The following ZNF277 variants were observed in gnomAD, a reference collection of about 807,000 sequenced individuals.
ZNF277 encodes the protein nuclear receptor-interacting factor 4.
A neutral mutation model predicts 60.7 loss-of-function variants in ZNF277; 55 were observed. The ratio of observed to expected loss-of-function variants is 0.91; its 90% CI spans 0.73 to 1.13. The LOEUF is 1.13. ZNF277 is among the 50% of genes most tolerant of loss of function. The probability of loss-of-function intolerance (pLI) is 0.00; values close to 1 mark genes in which losing one functional copy is unlikely to be tolerated. For synonymous variants in ZNF277, 178 were observed against 179.3 expected (o/e 0.99, Z 0.06); for missense variants, 510 against 523.0 (o/e 0.98, Z 0.24).
At chr7:112,295,843 C>A (rs748198099) in intron 2 of ZNF277, 26 bp from the exon 3 acceptor site, 14 of 1,539,032 alleles carry the variant, frequency 9.1e-6, no homozygotes, top group South Asian at 1.1e-5. Flanking sequence ...ATCTTCTCAT[C>A]GTTCCTTATT....
intron 1 of ZNF277, among the ~76,000 whole-genome samples, chr7:112,219,658 G>A (rs1051315060): frequency 3.3e-5 from 5 of 152,146 alleles, no homozygotes; most frequent in Non-Finnish European, 7.4e-5. Context: ...TTATTGCTCA[G>A]GCTAGAGTGC....
At chr7:112,300,563 G>A (rs142459955) in intron 4 of ZNF277, among the ~76,000 whole-genome samples, 14 of 152,188 alleles carry the variant, frequency 9.2e-5, no homozygotes, top group Middle Eastern at 3.4e-3. Context: ...TTAGGCCTAT[G>A]GCTTAAATGT....
At chr7:112,338,870 A>G (rs968905946) in intron 9 of ZNF277, among the ~76,000 whole-genome samples, 1 of 152,236 alleles carries the variant, frequency 6.6e-6, no homozygotes, top group Non-Finnish European at 1.5e-5. Flanking sequence ...CAGTGATAAC[A>G]TCACGAATTC....
At chr7:112,244,136 T>C (rs368072361) in intron 1 of ZNF277, among the ~76,000 whole-genome samples, 3 of 152,174 alleles carry the variant, frequency 2.0e-5, no homozygotes, top group African/African-American at 7.2e-5. Context: ...TAATGGACAT[T>C]GGAGACTCAG....
intron 1 of ZNF277, among the ~76,000 whole-genome samples, chr7:112,211,402 C>G (rs1168488927): frequency 1.3e-5 from 2 of 152,190 alleles, no homozygotes; most frequent in African/African-American, 4.8e-5. Context: ...CATTACTAAC[C>G]CTCACCATTA....
At chr7:112,245,295 C>G (rs1170327273) in intron 1 of ZNF277, among the ~76,000 whole-genome samples, 1 of 152,170 alleles carries the variant, frequency 6.6e-6, no homozygotes, top group African/African-American at 2.4e-5. Flanking sequence ...ATTCTGAGTG[C>G]TAGGGCAACT....
intron 1 of ZNF277, among the ~76,000 whole-genome samples, chr7:112,230,022 G>T (rs887802409): frequency 7.0e-6 from 1 of 142,416 alleles, no homozygotes; most frequent in Non-Finnish European, 1.6e-5. Context: ...AGCAAGGACT[G>T]CATTATAAAG....
chr7:112,279,709 A>G (rs1336570149), intron 1 of ZNF277, among the ~76,000 whole-genome samples: 1 of 152,192 alleles, frequency 6.6e-6, no homozygotes, highest in Non-Finnish European at 1.5e-5. Flanking sequence ...ATAACAGTCA[A>G]TTCACACGTA....
At chr7:112,264,932 A>G (rs114329373) in intron 1 of ZNF277, among the ~76,000 whole-genome samples, 1,982 of 152,218 alleles carry the variant, frequency 0.013, 46 homozygotes, top group African/African-American at 0.046. Context: ...TCTTGCCTCA[A>G]TGTTTGTCTG....
intron 5 of ZNF277, among the ~76,000 whole-genome samples, chr7:112,324,118 C>T (rs1793046458): frequency 6.6e-6 from 1 of 152,136 alleles, no homozygotes; most frequent in South Asian, 2.1e-4. Context: ...GGGGTTACAT[C>T]TCAATAAAGT....
rs747628267 is a variant in ZNF277 at position 112,286,899 on chromosome 7, C to T, written c.118C>T (p.Leu40Phe). Residue 40 changes from leucine (L) to phenylalanine (F), a missense_variant, in exon 2 of 12, where the codon CTT (leucine) becomes TTT (phenylalanine). By Grantham distance (22) the Leu-to-Phe change is conservative (BLOSUM62 0). Coordinates refer to ENST00000361822, the MANE Select transcript of ZNF277 (RefSeq NM_021994.3). ...CAGTAAGGATTGTATCCTGGAGCCGCTTTCCCTGCCAGAAAGTCCAGGTGG... is the reference window on the plus strand; with the variant it reads ...CAGTAAGGATTGTATCCTGGAGCCGTTTTCCCTGCCAGAAAGTCCAGGTGG... ...GDSKDCILEPLSLPESPGGTT... is the reference protein window; with the variant it reads ...GDSKDCILEPFSLPESPGGTT... 2.2e-5 allele frequency: 35 copies of T among 1,559,992 alleles called. No homozygotes were observed. Among genetic ancestry groups the T allele is most frequent in the Non-Finnish European group, 2.9e-5 (33 of 1,156,664 alleles).
chr7:112,275,000 CTT>C (rs951186257), intron 1 of ZNF277, among the ~76,000 whole-genome samples: 35 of 152,134 alleles, frequency 2.3e-4, no homozygotes, highest in African/African-American at 8.0e-4. Context: ...TTGTCAGTGT[CTT>C]TTGTTACATT....
chr7:112,282,105 A>G (rs1040362160), intron 1 of ZNF277, among the ~76,000 whole-genome samples: 4 of 152,264 alleles, frequency 2.6e-5, no homozygotes, highest in Non-Finnish European at 5.9e-5. Flanking sequence ...TGCTGGGATT[A>G]CAGGCATGAG....
intron 1 of ZNF277, among the ~76,000 whole-genome samples, chr7:112,209,962 A>G (rs1031051300): frequency 5.3e-5 from 8 of 152,134 alleles, no homozygotes; most frequent in African/African-American, 1.7e-4. Context: ...ACACTTGGAC[A>G]CAGGGCAGGG....
At chr7:112,302,465 A>G (rs577960282) in intron 4 of ZNF277, among the ~76,000 whole-genome samples, 2 of 152,162 alleles carry the variant, frequency 1.3e-5, no homozygotes, top group Non-Finnish European at 2.9e-5. Context: ...CAATACATAC[A>G]AGTTCTAATA....
At chr7:112,242,788 T>C (rs997850731) in intron 1 of ZNF277, among the ~76,000 whole-genome samples, 1 of 151,960 alleles carries the variant, frequency 6.6e-6, no homozygotes, top group Non-Finnish European at 1.5e-5. Context: ...AAAATATCAA[T>C]GTCATTTTTC....
chr7:112,331,288 A>G (rs1440581897), intron 7 of ZNF277, among the ~76,000 whole-genome samples: 2 of 152,204 alleles, frequency 1.3e-5, no homozygotes, highest in Admixed American at 6.5e-5. Context: ...CTGATTTTTA[A>G]AAAATATATA....
intron 1 of ZNF277, among the ~76,000 whole-genome samples, chr7:112,235,579 A>G (rs1010944163): frequency 1.3e-5 from 2 of 152,008 alleles, no homozygotes; most frequent in African/African-American, 4.8e-5. Context: ...GTCTATTTAA[A>G]TCCTGTACCC....
intron 1 of ZNF277, among the ~76,000 whole-genome samples, chr7:112,215,824 T>A (rs1821864919): frequency 1.3e-5 from 2 of 152,234 alleles, no homozygotes; most frequent in South Asian, 4.1e-4. Context: ...TAGAGAGGTT[T>A]GTTTTTTTAC....
Sources: allele counts gnomAD v4.1 joint callset (sites outside exome capture counted in the v4.1 genomes callset), GRCh38; gene constraint gnomAD v4.1.1; transcripts MANE v1.5; gene names NCBI Gene and HGNC (gene_info 2026-07-23, HGNC 2026-07-21).